CTDSPL2: variants seen among roughly 807,000 people sequenced by gnomAD.
CTDSPL2 encodes CTD small phosphatase-like protein 2.
CTDSPL2 carries 5 observed loss-of-function variants against 60.0 expected under a neutral mutation model. The ratio of observed to expected loss-of-function variants is 0.08; its 90% CI spans 0.04 to 0.18. CTDSPL2 has a LOEUF of 0.18. CTDSPL2 is among the 10% of genes least tolerant of loss of function. The pLI is 1.00. For missense variants in CTDSPL2, 370 were observed against 548.8 expected, an observed-to-expected ratio of 0.67 and a Z score of 3.26; for synonymous variants, 186 against 189.3, an observed-to-expected ratio of 0.98 and a Z score of 0.14.
At chr15:44,506,655 T>C (rs1441452648) in intron 8 of CTDSPL2, among the ~76,000 whole-genome samples, 2 of 151,976 alleles carry the variant, frequency 1.3e-5, no homozygotes, top group African/African-American at 4.8e-5. Context: ...GCTCAAGCAA[T>C]CCACCCAGTT....
intron 10 of CTDSPL2, chr15:44,517,140 CA>C (rs2081668128): frequency 6.6e-6 from 1 of 151,148 alleles, no homozygotes; most frequent in Non-Finnish European, 1.5e-5. Context: ...GCCTGGCCAA[CA>C]AAAGCGTTTC....
At chr15:44,469,836 G>A (rs773712669) in intron 2 of CTDSPL2, among the ~76,000 whole-genome samples, 4 of 152,068 alleles carry the variant, frequency 2.6e-5, no homozygotes, top group East Asian at 1.9e-4. Flanking sequence ...GGTGGCTCAC[G>A]CCTGTAATCC....
At chr15:44,512,860 G>A (rs549015646) in intron 8 of CTDSPL2, among the ~76,000 whole-genome samples, 18 of 149,794 alleles carry the variant, frequency 1.2e-4, no homozygotes, top group African/African-American at 4.2e-4. Context: ...TGGGAGGCAG[G>A]CAGATCACTT....
At chr15:44,498,977 ATAAT>A (rs2081345574) in intron 7 of CTDSPL2, among the ~76,000 whole-genome samples, 1 of 152,198 alleles carries the variant, frequency 6.6e-6, no homozygotes, top group Non-Finnish European at 1.5e-5. Flanking sequence ...TATATTTTTA[ATAAT>A]TAGATTCTAC....
chr15:44,514,547 G>C (rs566665726), intron 8 of CTDSPL2, 51 bp from the exon 9 acceptor site: 5 of 1,051,668 alleles, frequency 4.8e-6, no homozygotes, highest in African/African-American at 1.6e-5. Context: ...AAAAAGAAGT[G>C]GTTTCCCATT....
intron 8 of CTDSPL2, among the ~76,000 whole-genome samples, chr15:44,501,794 T>C (rs2081385956): frequency 6.6e-6 from 1 of 152,194 alleles, no homozygotes; most frequent in Non-Finnish European, 1.5e-5. Flanking sequence ...AGTAAATTTT[T>C]GAGGATATCC....
At chr15:44,440,362 A>G (rs1451630894) in intron 1 of CTDSPL2, among the ~76,000 whole-genome samples, 1 of 151,270 alleles carries the variant, frequency 6.6e-6, no homozygotes, top group Admixed American at 6.6e-5. Context: ...TGCCTGACTA[A>G]TTTTTGTAAT....
intron 2 of CTDSPL2, among the ~76,000 whole-genome samples, chr15:44,463,931 A>C (rs1264830335): frequency 6.6e-6 from 1 of 152,226 alleles, no homozygotes; most frequent in Non-Finnish European, 1.5e-5. Flanking sequence ...TTGCAGTGTC[A>C]ATAGTAACAA....
At chr15:44,445,288 G>A (rs564539592) in intron 1 of CTDSPL2, among the ~76,000 whole-genome samples, 4 of 151,848 alleles carry the variant, frequency 2.6e-5, no homozygotes, top group African/African-American at 9.7e-5. Context: ...CCCAGGCTCA[G>A]GTGATCCTCC....
Position 44,504,209 on chromosome 15 carries a change from G to T in CTDSPL2, c.969+4396G>T, listed in dbSNP as rs183968846. Among the ~76,000 whole-genome samples, 957 of 152,266 alleles carry T rather than the reference G, an allele frequency of 6.3e-3. 10 individuals carry two copies. The highest frequency in any genetic ancestry group is 0.021 in the African/African-American group (882 of 41,554). ...CAAAAAAATAAAAAAAATTAGCCGGGCGTGGTGGCAGGTGCCTGTAATCCC... is the reference window on the plus strand; with the variant it reads ...CAAAAAAATAAAAAAAATTAGCCGGTCGTGGTGGCAGGTGCCTGTAATCCC... On this transcript the variant is annotated intron_variant, in intron 8 of 12. Transcript: ENST00000260327.
chr15:44,515,113 TGGG>T (rs148042793), intron 10 of CTDSPL2, among the ~76,000 whole-genome samples: 4 of 151,836 alleles, frequency 2.6e-5, no homozygotes, highest in Admixed American at 2.0e-4. Context: ...AGACGGGGGT[TGGG>T]GGGGTTGTGT....
chr15:44,499,910 G>A (rs1204893329), intron 8 of CTDSPL2, 97 bp downstream of exon 8: 2 of 667,894 alleles, frequency 3.0e-6, no homozygotes, highest in African/African-American at 1.8e-5. Context: ...CATTAAATGT[G>A]TTTTTCTGTA....
In CTDSPL2 at chr15:44,525,637, A is replaced by G. The variant is rs899304258; in HGVS notation, c.*1463A>G. The G allele has an allele frequency of 1.5e-5, 6 of 395,942 alleles. No homozygotes were observed. Among genetic ancestry groups the G allele is most frequent in the East Asian group, 1.1e-4 (3 of 27,972 alleles). 24.5% of individuals were successfully genotyped at this position (395,942 alleles called of 1,614,324 possible). ...CAACTGATAATTGAGGAGTATGTCA[A>G]TTAATTTTTTATGTATATTACCTGT... On this transcript the variant is annotated 3_prime_UTR_variant, in exon 13 of 13. Transcript: ENST00000260327.
intron 1 of CTDSPL2, among the ~76,000 whole-genome samples, chr15:44,433,868 G>T (rs1408849531): frequency 6.7e-6 from 1 of 150,146 alleles, no homozygotes; most frequent in Non-Finnish European, 1.5e-5. Context: ...CAGGAGAATC[G>T]CTTGAACCCA....
chr15:44,476,822 TTATA>T (rs1376955624), intron 2 of CTDSPL2, among the ~76,000 whole-genome samples: 1 of 152,224 alleles, frequency 6.6e-6, no homozygotes, highest in African/African-American at 2.4e-5. Context: ...ATGCATTACT[TTATA>T]TAGAAAAATT....
At chr15:44,450,388 T>A (rs1372057996) in intron 1 of CTDSPL2, among the ~76,000 whole-genome samples, 1 of 152,248 alleles carries the variant, frequency 6.6e-6, no homozygotes. Context: ...ATGTTAACAA[T>A]CTTTGAACTT....
intron 8 of CTDSPL2, among the ~76,000 whole-genome samples, chr15:44,513,820 G>A (rs558351087): frequency 2.0e-5 from 3 of 152,306 alleles, no homozygotes; most frequent in Non-Finnish European, 4.4e-5. Flanking sequence ...TAGTTTTAAT[G>A]GTTGCTCATG....
intron 2 of CTDSPL2, among the ~76,000 whole-genome samples, chr15:44,482,820 C>T (rs1289806951): frequency 1.3e-5 from 2 of 151,876 alleles, no homozygotes; most frequent in East Asian, 3.8e-4. Flanking sequence ...ACATTAAATA[C>T]AAAAAAGTAG....
intron 5 of CTDSPL2, among the ~76,000 whole-genome samples, chr15:44,492,886 A>G (rs1009295886): frequency 4.6e-5 from 7 of 152,192 alleles, no homozygotes. Context: ...AGTATAGACT[A>G]AAGTTCAGGG....
Sources: allele counts gnomAD v4.1 joint callset (sites outside exome capture counted in the v4.1 genomes callset), GRCh38; gene constraint gnomAD v4.1.1; transcripts MANE v1.5; gene names NCBI Gene and HGNC (gene_info 2026-07-23, HGNC 2026-07-21).